DCLRE1C: variants seen among roughly 807,000 people sequenced by gnomAD.
The protein encoded by DCLRE1C is protein artemis.
In DCLRE1C, 47 loss-of-function variants were observed where a neutral mutation model predicts 61.4. That is an observed-to-expected ratio of 0.77 (90% CI 0.61 to 0.98). DCLRE1C has a LOEUF of 0.98. Ranked by LOEUF, DCLRE1C falls within the 50% of genes least tolerant of loss-of-function variation. The pLI is 0.00. For missense variants in DCLRE1C, 858 were observed against 816.0 expected (o/e 1.05, Z -0.63); for synonymous variants, 337 against 287.6 (o/e 1.17, Z -1.74).
At chr10:14,938,108 G>A (rs1342012319) in intron 4 of DCLRE1C, among the ~76,000 whole-genome samples, 22 of 151,452 alleles carry the variant, frequency 1.5e-4, no homozygotes, top group Admixed American at 8.5e-4. Flanking sequence ...ACCCTTTCGA[G>A]TGGGTCTCCC....
intron 13 of DCLRE1C, among the ~76,000 whole-genome samples, chr10:14,909,692 A>AGTTCTACAGCTGATATCTGTT (rs1405964911): frequency 6.6e-6 from 1 of 152,188 alleles, no homozygotes; most frequent in Non-Finnish European, 1.5e-5. Context: ...TTGATTTTTA[A>AGTTCTACAGCTGATATCTGTT]GTTCTACAGC....
chr10:14,953,126 T>C (rs1842697297), intron 1 of DCLRE1C, among the ~76,000 whole-genome samples: 1 of 152,354 alleles, frequency 6.6e-6, no homozygotes, highest in Middle Eastern at 3.4e-3. Context: ...TTAACACTAA[T>C]GGCTGGGCGA....
intron 3 of DCLRE1C, among the ~76,000 whole-genome samples, chr10:14,940,440 T>C (rs1564458567): frequency 6.6e-6 from 1 of 151,912 alleles, no homozygotes; most frequent in Non-Finnish European, 1.5e-5. Flanking sequence ...AGGCGCCCGC[T>C]ACTACGCAAG....
intron 12 of DCLRE1C, among the ~76,000 whole-genome samples, chr10:14,921,275 G>A (rs953320315): frequency 6.6e-6 from 1 of 151,680 alleles, no homozygotes; most frequent in Non-Finnish European, 1.5e-5. Context: ...AGCCGAGATC[G>A]CGCCACTGCA....
rs574026696 is a variant in DCLRE1C at position 14,944,042 on chromosome 10, C to T, written c.246+1063G>A. Among the ~76,000 whole-genome samples, 282 of 152,274 alleles carry T rather than the reference C, an allele frequency of 1.9e-3. 1 individual carries two copies. Among genetic ancestry groups the T allele is most frequent in the African/African-American group, 6.4e-3 (268 of 41,568 alleles). The stretch of plus-strand genomic sequence containing the variant: ...TTTTATTCTGCCAGACCGAAAGTTA[C>T]CCATTCTATCTGTATTCTTCTAGCT... On this transcript the variant is annotated intron_variant, in intron 3 of 13. Coordinates refer to ENST00000378278, the MANE Select transcript of DCLRE1C (RefSeq NM_001033855.3).
chr10:14,914,571 G>A (rs1835851549), intron 13 of DCLRE1C, among the ~76,000 whole-genome samples: 1 of 152,198 alleles, frequency 6.6e-6, no homozygotes, highest in South Asian at 2.1e-4. Flanking sequence ...TTTCTTTGAA[G>A]TACACATTAA....
At chr10:14,901,686 C>A (rs1207986911), downstream of DCLRE1C, among the ~76,000 whole-genome samples, 1 of 151,832 alleles carries the variant, frequency 6.6e-6, no homozygotes, top group African/African-American at 2.4e-5. Flanking sequence ...AAAAAACTAG[C>A]CGGGCGTGGT....
chr10:14,922,438 C>CT (rs1182206415), intron 12 of DCLRE1C, among the ~76,000 whole-genome samples: 3 of 139,552 alleles, frequency 2.1e-5, no homozygotes, highest in Non-Finnish European at 4.6e-5. Context: ...GAGACCCTGT[C>CT]TAAAAAAAAA....
rs1839637781 is a variant in DCLRE1C at position 14,934,834 on chromosome 10, T to C, written c.465-59A>G. 13 of 1,328,680 alleles carry C rather than the reference T, an allele frequency of 9.8e-6. No homozygotes were observed. The South Asian group carries it at 1.5e-4, about 16-fold the overall frequency. 82.3% of individuals were successfully genotyped at this position (1,328,680 alleles called of 1,614,324 possible). ...ATGTGATATAAATTATGTGTAACTT[T>C]TTTTGTTTTTTGAGATGGAGTTTCG... On this transcript the variant is annotated intron_variant, in intron 6 of 13. Transcript: ENST00000378278.
At chr10:14,919,911 T>C in intron 12 of DCLRE1C, 79 bp from the exon 13 acceptor site, 1 of 1,215,974 alleles carries the variant, frequency 8.2e-7, no homozygotes, top group Admixed American at 1.8e-5. Flanking sequence ...TATTACAAAT[T>C]TTTTTGATTT....
chr10:14,934,311 T>C (rs41297034), intron 8 of DCLRE1C, 69 bp downstream of exon 8: 73 of 1,551,434 alleles, frequency 4.7e-5, no homozygotes, highest in African/African-American at 8.0e-5. Flanking sequence ...CTGGGCAACA[T>C]AGCAAGACTC....
chr10:14,912,156 G>A (rs139526422), intron 13 of DCLRE1C, among the ~76,000 whole-genome samples: 1 of 152,196 alleles, frequency 6.6e-6, no homozygotes, highest in African/African-American at 2.4e-5. Context: ...ACCATCATAA[G>A]GCTGGAGACT....
At position 14,933,234 on chromosome 10, in the gene DCLRE1C, C is replaced by T. The variant is rs145801902; in HGVS notation, c.679-279G>A. ...AATGATGTTAATGTTGTCCTTCAGT[C>T]CTTCAAGAGAAATTCAGTTAATATT... On this transcript the variant is annotated intron_variant, in intron 8 of 13. Transcript: ENST00000378278. 7.2e-3 allele frequency among the ~76,000 whole-genome samples: 1,091 copies of T among 152,280 alleles called. 11 individuals are homozygous for T. Among genetic ancestry groups the T allele is most frequent in the Non-Finnish European group, 0.011 (777 of 68,022 alleles).
At chr10:14,954,200 C>G, upstream of DCLRE1C, 1 of 897,392 alleles carries the variant, frequency 1.1e-6, no homozygotes, top group South Asian at 1.5e-5. Flanking sequence ...TTCTAGGCGC[C>G]CGCTGCTTGG....
At chr10:14,909,845 A>G (rs1242240696) in intron 13 of DCLRE1C, among the ~76,000 whole-genome samples, 1 of 152,242 alleles carries the variant, frequency 6.6e-6, no homozygotes, top group Non-Finnish European at 1.5e-5. Context: ...TTTTATGCAC[A>G]AGGTTGCAAC....
chr10:14,932,750 G>C, intron 9 of DCLRE1C, 104 bp downstream of exon 9: 1 of 1,351,074 alleles, frequency 7.4e-7, no homozygotes, highest in African/African-American at 1.4e-5. Flanking sequence ...TGCAGCCTCA[G>C]GTTTTACATT....
intron 12 of DCLRE1C, among the ~76,000 whole-genome samples, chr10:14,921,213 G>A (rs41299692): frequency 0.01 from 1,547 of 151,666 alleles, 28 homozygotes; most frequent in African/African-American, 0.036. Context: ...CCAGCTACTC[G>A]GGAGGCTGAG....
In DCLRE1C at chr10:14,945,090, A is replaced by C. The variant is rs781019003; in HGVS notation, c.246+15T>G. ...CACTTAAAAAAAATTAAGTTATTAA[A>C]AAAATAAAACTTACAATTCGTTTCT... On this transcript the variant is annotated intron_variant, in intron 3 of 13. Transcript: ENST00000378278. The C allele has an allele frequency of 4.4e-6, 7 of 1,596,666 alleles. No individual in the cohort carries two copies. The Admixed American group carries it at 8.5e-5, about 19-fold the overall frequency.
At position 14,907,365 on chromosome 10, in the gene DCLRE1C, G is replaced by C. The variant is rs1467502927; in HGVS notation, c.*1043C>G. Among the ~76,000 whole-genome samples the C allele has an allele frequency of 6.6e-6, 1 of 151,108 alleles. No individual in the cohort carries two copies. Among genetic ancestry groups the C allele is most frequent in the Non-Finnish European group, 1.5e-5 (1 of 67,872 alleles). On this transcript the variant is annotated 3_prime_UTR_variant, in exon 14 of 14. Coordinates refer to ENST00000378278, the MANE Select transcript of DCLRE1C (RefSeq NM_001033855.3). ...GATATGATCATGCTGAATGTTCCAT[G>C]TGTACTTCAGGAGATACATTCTGCT... is the stretch of plus-strand genomic sequence containing the variant.
Sources: gnomAD v4.1 joint callset for allele counts (sites outside exome capture counted in the v4.1 genomes callset) on GRCh38, gnomAD v4.1.1 for gene constraint, MANE v1.5 for transcripts, NCBI Gene and HGNC (gene_info 2026-07-23, HGNC 2026-07-21) for gene names.